NPFFR1: variants seen among roughly 807,000 people sequenced by gnomAD.
NPFFR1 encodes the protein neuropeptide FF receptor 1.
Under a neutral mutation model 12.7 loss-of-function variants are expected in NPFFR1, and 17 were observed. The observed-to-expected ratio is 1.34, with a 90% CI of 0.92 to 2.01. The LOEUF is 2.01. NPFFR1 is among the 30% of genes most tolerant of loss of function. The pLI is 0.00. For missense variants in NPFFR1, 604 were observed against 606.5 expected, an observed-to-expected ratio of 1.00 and a Z score of 0.04; for synonymous variants, 296 against 264.5, an observed-to-expected ratio of 1.12 and a Z score of -1.16.
intron 1 of NPFFR1, chr10:70,277,906 G>C: frequency 1.9e-6 from 1 of 516,426 alleles, no homozygotes; most frequent in South Asian, 1.4e-5. Flanking sequence ...GGGCTTGGCA[G>C]ACTGCAGTGT....
At chr10:70,256,638 C>A (rs1447289437) in intron 3 of NPFFR1, among the ~76,000 whole-genome samples, 1 of 152,200 alleles carries the variant, frequency 6.6e-6, no homozygotes, top group Admixed American at 6.5e-5. Context: ...GACAACTCAG[C>A]ATCTGTTATT....
In NPFFR1 at chr10:70,255,598, T is replaced by C. The variant is rs775761816; in HGVS notation, c.652A>G (p.Thr218Ala). The change falls in exon 4 of 4, where the codon ACT (threonine) becomes GCT (alanine). Residue 218 changes from threonine (T) to alanine (A), a missense_variant. Coordinates refer to ENST00000277942, the MANE Select transcript of NPFFR1 (RefSeq NM_022146.5). The surrounding 1 kb of genome is among the most constrained non-coding windows in gnomAD (Gnocchi z 4.2). ...AGGTAGATGTGCGAGAAGAGCACAGTGGTGTAGACCCTGCGCATGCCCTTC... is the reference window on the plus strand; with the variant it reads ...AGGTAGATGTGCGAGAAGAGCACAGCGGTGTAGACCCTGCGCATGCCCTTC... ...PEKGMRRVYT[T>A]VLFSHIYLAP... The C allele has an allele frequency of 1.8e-5, 28 of 1,557,442 alleles. No individual in the cohort carries two copies. The African/African-American group carries it at 3.3e-4, about 18-fold the overall frequency.
rs79545019 is a variant in NPFFR1 at position 70,265,449 on chromosome 10, A to G, written c.322+628T>C. Among the ~76,000 whole-genome samples, 27 of 152,338 alleles carry G rather than the reference A, an allele frequency of 1.8e-4. No individual in the cohort carries two copies. In the East Asian group the frequency reaches 3.5e-3, roughly 20 times the overall value. On this transcript the variant is annotated intron_variant, in intron 2 of 3. Coordinates refer to ENST00000277942, the MANE Select transcript of NPFFR1 (RefSeq NM_022146.5). ...GCAGGATGCACCGGCAGGAATTTAG[A>G]GGTCAAGTGGTCCACTGAGTGGCCG...
intron 2 of NPFFR1, among the ~76,000 whole-genome samples, chr10:70,261,129 C>T (rs991665642): frequency 4.6e-5 from 7 of 152,060 alleles, no homozygotes; most frequent in Admixed American, 1.3e-4. Context: ...CCCATAATCC[C>T]CACGAGTCAT....
At chr10:70,283,493 C>T (rs1440119950) in intron 1 of NPFFR1, among the ~76,000 whole-genome samples, 177 bp downstream of exon 1, 2 of 151,546 alleles carry the variant, frequency 1.3e-5, no homozygotes, top group Non-Finnish European at 3.0e-5. Flanking sequence ...CACATGGGCA[C>T]CCCAGGTCTC....
chr10:70,279,909 G>A lies in NPFFR1; in HGVS notation c.7+3761C>T, dbSNP rs189802872. Among the ~76,000 whole-genome samples, 16 of 152,228 alleles carry A rather than the reference G, an allele frequency of 1.1e-4. 1 individual carries two copies. Among genetic ancestry groups the A allele is most frequent in the Non-Finnish European group, 2.2e-4 (15 of 68,034 alleles). ...CATCACTCCATTCTCCCCCACCACAGAGCCACTCTACTCTCTGGTTCTATG... is the reference window on the plus strand; with the variant it reads ...CATCACTCCATTCTCCCCCACCACAAAGCCACTCTACTCTCTGGTTCTATG... On this transcript the variant is annotated intron_variant, in intron 1 of 3. Transcript: ENST00000277942.
Position 70,283,751 on chromosome 10 carries a change from G to A in NPFFR1, c.-75C>T. ...GGCCCCTTCGGGCCAGCGGGCAGAGGGACGGTCTCCGGGCACTTGGTTGCG... is the reference window on the plus strand; with the variant it reads ...GGCCCCTTCGGGCCAGCGGGCAGAGAGACGGTCTCCGGGCACTTGGTTGCG... On this transcript the variant is annotated 5_prime_UTR_variant, in exon 1 of 4. Transcript: ENST00000277942. 1 of 1,498,536 alleles carries A rather than the reference G, an allele frequency of 6.7e-7. No individual in the cohort carries two copies. The highest frequency in any genetic ancestry group is 9.0e-7 in the Non-Finnish European group (1 of 1,114,856). The allele number at this position is 1,498,536 out of a possible 1,614,324, so 92.8% of individuals were successfully genotyped here.
At chr10:70,258,270 C>G (rs1268510965) in intron 3 of NPFFR1, among the ~76,000 whole-genome samples, 1 of 151,500 alleles carries the variant, frequency 6.6e-6, no homozygotes, top group East Asian at 1.9e-4. Flanking sequence ...GACCACTGCA[C>G]TCCAGCCAAG....
intron 3 of NPFFR1, 43 bp downstream of exon 3, chr10:70,260,597 G>T (rs1372694173): frequency 6.6e-7 from 1 of 1,506,326 alleles, no homozygotes; most frequent in Non-Finnish European, 9.1e-7. Flanking sequence ...TTAATGCCAG[G>T]CCCTAGTTGG....
chr10:70,280,263 T>C (rs1346557168), intron 1 of NPFFR1, among the ~76,000 whole-genome samples: 2 of 152,230 alleles, frequency 1.3e-5, no homozygotes, highest in African/African-American at 2.4e-5. Context: ...TGCTGGATCA[T>C]ATGGTAATTC....
chr10:70,252,420 T>C lies in NPFFR1; in HGVS notation c.*2537A>G, dbSNP rs1840520488. The stretch of plus-strand genomic sequence containing the variant: ...TGTTTATAGATACAGAGTTGCAGTT[T>C]GGGATAATAAAAAATTCTGAAAATA... On this transcript the variant is annotated 3_prime_UTR_variant, in exon 4 of 4. Transcript: ENST00000277942. The C allele has an allele frequency of 1.3e-5, 2 of 152,224 alleles. No individual in the cohort carries two copies. 9.4% of individuals were successfully genotyped at this position (152,224 alleles called of 1,614,324 possible). A position where few individuals can be genotyped will look rare whatever the true frequency, so the allele number is the denominator to read the frequency against.
rs370700291 is a variant in NPFFR1 at position 70,266,105 on chromosome 10, G to C, written c.294C>G (p.Pro98=). 4 of 1,613,872 alleles carry C rather than the reference G, an allele frequency of 2.5e-6. No homozygotes were observed. In the African/African-American group the frequency reaches 5.3e-5, roughly 22 times the overall value. ...TGATGAGGTTGTCCACAAGGGTGGT[G>C]GGCATGCAGAAGATGCCCACCAGCA... The part of the protein sequence containing the change: ...SDLLVGIFCM[P]TTLVDNLITG... The change falls in exon 2 of 4, where the codon CCC becomes CCG. Residue 98 remains proline (P), a synonymous_variant. Transcript: ENST00000277942.
In NPFFR1 at chr10:70,260,694, T is replaced by C; in HGVS notation, c.368A>G (p.Gln123Arg). 6.2e-7 allele frequency: 1 copy of C among 1,610,806 alleles called. No homozygotes were observed. Among genetic ancestry groups the C allele is most frequent in the Non-Finnish European group, 8.5e-7 (1 of 1,178,534 alleles). ...AACGGAAGCCGACACAGACATGCCC[T>C]GCACCAAGCCGCTCATCTTGCATGT... is the stretch of plus-strand genomic sequence containing the variant. ...NATCKMSGLV[Q>R]GMSVSASVFT... The change falls in exon 3 of 4, where the codon CAG becomes CGG. Residue 123 changes from glutamine (Q) to arginine (R), a missense_variant. Coordinates refer to ENST00000277942, the MANE Select transcript of NPFFR1 (RefSeq NM_022146.5).
intron 1 of NPFFR1, among the ~76,000 whole-genome samples, chr10:70,273,765 A>T (rs1332543999): frequency 6.6e-6 from 1 of 152,042 alleles, no homozygotes; most frequent in East Asian, 1.9e-4. Context: ...TGACCTCCCC[A>T]CACCCTTCCA....
Position 70,247,797 on chromosome 10 carries a change from C to T in NPFFR1, c.*7160G>A, listed in dbSNP as rs888074210. 6.6e-6 allele frequency: 1 copy of T among 152,264 alleles called. No individual in the cohort carries two copies. The highest frequency in any genetic ancestry group is 1.5e-5 in the Non-Finnish European group (1 of 68,056). 9.4% of individuals were successfully genotyped at this position (152,264 alleles called of 1,614,324 possible). ...CTGGGCATTGCAGCTAGCAGGAGAA[C>T]ACAAACAACTCAAGGCAGGACGCTA... is the stretch of plus-strand genomic sequence containing the variant. On this transcript the variant is annotated 3_prime_UTR_variant, in exon 4 of 4. Transcript: ENST00000277942.
Position 70,255,705 on chromosome 10 carries a change from A to G in NPFFR1, c.545T>C (p.Val182Ala). 6.2e-7 allele frequency: 1 copy of G among 1,607,662 alleles called. No homozygotes were observed. The highest frequency in any genetic ancestry group is 8.5e-7 in the Non-Finnish European group (1 of 1,177,408). ...IMCPSAVTLT[V>A]TREEHHFMVD... ...CATGAAGTGGTGCTCCTCACGGGTG[A>G]CGGTCAGCGTGACGGCCGAGGGACA... Residue 182 changes from valine (V) to alanine (A), a missense_variant, in exon 4 of 4, where the codon GTC becomes GCC. Val to Ala is a moderately conservative substitution (Grantham distance 64). Transcript: ENST00000277942. The surrounding 1 kb of genome is among the most constrained non-coding windows in gnomAD (Gnocchi z 4.2).
chr10:70,266,147 G>A lies in NPFFR1; in HGVS notation c.252C>T (p.Asn84=), dbSNP rs760204702. Reference sequence around the variant, plus strand: ...CCACCAGCAGGTCACTGACAGCCAGGTTGAGGATGAACATGTTGGTGACAG... The same window carrying A: ...CCACCAGCAGGTCACTGACAGCCAGATTGAGGATGAACATGTTGGTGACAG... The part of the protein sequence containing the change: ...MHTVTNMFIL[N]LAVSDLLVGI... Residue 84 remains asparagine, a synonymous_variant, in exon 2 of 4, where the codon AAC becomes AAT. Transcript: ENST00000277942. 2 of 1,614,038 alleles carry A rather than the reference G, an allele frequency of 1.2e-6. No homozygotes were observed. Among genetic ancestry groups the A allele is most frequent in the East Asian group, 2.2e-5 (1 of 44,886 alleles).
intron 1 of NPFFR1, among the ~76,000 whole-genome samples, chr10:70,277,711 T>A (rs935881736): frequency 2.6e-5 from 4 of 152,054 alleles, no homozygotes; most frequent in African/African-American, 4.8e-5. Flanking sequence ...TAGGCAGCTG[T>A]GGAGGCCCCT....
intron 2 of NPFFR1, among the ~76,000 whole-genome samples, chr10:70,263,786 C>A (rs1480022485): frequency 6.8e-6 from 1 of 147,428 alleles, no homozygotes; most frequent in African/African-American, 2.7e-5. Flanking sequence ...AAAAAAAAAA[C>A]AAAACCAACA....
Sources: gnomAD v4.1 joint callset for allele counts (sites outside exome capture counted in the v4.1 genomes callset) on GRCh38, gnomAD v4.1.1 for gene constraint, Gnocchi (gnomAD v3.1) non-coding constraint, MANE v1.5 for transcripts, NCBI Gene and HGNC (gene_info 2026-07-23, HGNC 2026-07-21) for gene names.